The following SPMIP2 variants were observed in gnomAD, a reference collection of about 807,000 sequenced individuals.
SPMIP2 encodes protein SPMIP2.
chr4:158,920,232 A>T, the SPMIP2 span, among the ~76,000 whole-genome samples: 1 of 152,178 alleles, frequency 6.6e-6, no homozygotes, highest in Non-Finnish European at 1.5e-5. Flanking sequence ...AATTGTGTTA[A>T]CTGTATAAAT....
the SPMIP2 span, among the ~76,000 whole-genome samples, chr4:159,043,019 T>C: frequency 6.6e-6 from 1 of 152,174 alleles, no homozygotes; most frequent in South Asian, 2.1e-4. Flanking sequence ...TTCTATTGAA[T>C]CCAGGGCACC....
At chr4:159,082,712 A>C in the SPMIP2 span, among the ~76,000 whole-genome samples, 1 of 152,238 alleles carries the variant, frequency 6.6e-6, no homozygotes, top group Admixed American at 6.5e-5. Context: ...ACTACATTGC[A>C]AAAACCATTC....
At chr4:158,976,289 G>A in the SPMIP2 span, among the ~76,000 whole-genome samples, 2 of 152,050 alleles carry the variant, frequency 1.3e-5, no homozygotes, top group Non-Finnish European at 2.9e-5. Context: ...TCTTTCTCTT[G>A]CCTGATTGAC....
chr4:159,022,588 C>CA, the SPMIP2 span, among the ~76,000 whole-genome samples: 914 of 152,096 alleles, frequency 6.0e-3, 1 homozygote, highest in Non-Finnish European at 9.4e-3. Flanking sequence ...TCCTAGGCCC[C>CA]AAAAAACAAT....
At chr4:158,998,572 CTTA>C in the SPMIP2 span, among the ~76,000 whole-genome samples, 2 of 152,052 alleles carry the variant, frequency 1.3e-5, no homozygotes, top group Non-Finnish European at 2.9e-5. Context: ...AATTGGTTTT[CTTA>C]TTATTAGAGT....
chr4:158,899,287 A>G, the SPMIP2 span, among the ~76,000 whole-genome samples: 1 of 152,208 alleles, frequency 6.6e-6, no homozygotes, highest in Non-Finnish European at 1.5e-5. Context: ...GATGTTCATC[A>G]GGGATATTGG....
At chr4:159,062,961 G>A in the SPMIP2 span, among the ~76,000 whole-genome samples, 6 of 151,062 alleles carry the variant, frequency 4.0e-5, no homozygotes, top group East Asian at 3.9e-4. Context: ...CCAAAGAGCC[G>A]GGATTACAGG....
chr4:159,051,245 A>G, the SPMIP2 span, among the ~76,000 whole-genome samples: 1 of 152,248 alleles, frequency 6.6e-6, no homozygotes, highest in Admixed American at 6.5e-5. Context: ...AATTATGTTC[A>G]GATGAATGCA....
the SPMIP2 span, among the ~76,000 whole-genome samples, chr4:159,052,938 C>CTAT: frequency 6.1e-3 from 780 of 127,000 alleles, 17 homozygotes; most frequent in South Asian, 8.0e-3. Context: ...GCCTGGTCGA[C>CTAT]TATTATTATT....
chr4:159,053,314 T>C, the SPMIP2 span, among the ~76,000 whole-genome samples: 1 of 152,204 alleles, frequency 6.6e-6, no homozygotes, highest in African/African-American at 2.4e-5. Context: ...GCTGCTAGTT[T>C]TTCTGGGTTC....
chr4:158,913,974 GA>G, the SPMIP2 span, among the ~76,000 whole-genome samples: 2 of 152,276 alleles, frequency 1.3e-5, no homozygotes, highest in East Asian at 3.9e-4. Flanking sequence ...TGGGGCTGGG[GA>G]AAGAGTATAT....
chr4:158,916,349 A>G, the SPMIP2 span, among the ~76,000 whole-genome samples: 1 of 152,202 alleles, frequency 6.6e-6, no homozygotes, highest in Non-Finnish European at 1.5e-5. Context: ...GTGAGGTTAG[A>G]CAAGAGAGGA....
chr4:159,017,195 A>AG, the SPMIP2 span, among the ~76,000 whole-genome samples: 4 of 152,206 alleles, frequency 2.6e-5, no homozygotes, highest in African/African-American at 9.7e-5. Context: ...AAAACAGTGT[A>AG]CAATGATAGG....
At chr4:158,937,719 G>A in the SPMIP2 span, among the ~76,000 whole-genome samples, 11 of 152,266 alleles carry the variant, frequency 7.2e-5, no homozygotes, top group Non-Finnish European at 1.5e-4. Context: ...CATGTATGAG[G>A]TCCTCTGGGA....
At chr4:158,958,493 A>G in the SPMIP2 span, among the ~76,000 whole-genome samples, 69 of 152,300 alleles carry the variant, frequency 4.5e-4, no homozygotes, top group South Asian at 0.014. Context: ...CCCCTAGAAT[A>G]CAAGTTCCAA....
At chr4:158,908,865 T>G in the SPMIP2 span, among the ~76,000 whole-genome samples, 22 of 152,112 alleles carry the variant, frequency 1.4e-4, no homozygotes, top group Non-Finnish European at 4.4e-5. Flanking sequence ...TTTTTGTATT[T>G]TTAGTAGAAA....
the SPMIP2 span, among the ~76,000 whole-genome samples, chr4:158,921,003 G>T: frequency 0.63 from 96,483 of 152,112 alleles, 30,994 homozygotes; most frequent in East Asian, 0.9. Flanking sequence ...AAATTCTTCT[G>T]TTTATACTCT....
chr4:159,023,246 A>T, the SPMIP2 span, among the ~76,000 whole-genome samples: 1 of 152,184 alleles, frequency 6.6e-6, no homozygotes, highest in Non-Finnish European at 1.5e-5. Context: ...CATGTGAGTG[A>T]GCATCATCCA....
chr4:158,924,144 A>C, the SPMIP2 span, among the ~76,000 whole-genome samples: 2 of 152,148 alleles, frequency 1.3e-5, no homozygotes, highest in Non-Finnish European at 2.9e-5. Context: ...ACCAACCCTA[A>C]CAGTACCTTG....
Sources: gnomAD v4.1 joint callset for allele counts (sites outside exome capture counted in the v4.1 genomes callset) on GRCh38, gnomAD v4.1.1 for gene constraint, MANE v1.5 for transcripts, NCBI Gene and HGNC (gene_info 2026-07-23, HGNC 2026-07-21) for gene names.